GSG1L: variants seen among roughly 807,000 people sequenced by gnomAD.
GSG1L encodes the protein germ cell-specific gene 1-like protein.
In GSG1L, 24 loss-of-function variants were observed where a neutral mutation model predicts 42.1. That is an observed-to-expected ratio of 0.57 (90% confidence interval 0.41 to 0.80). The LOEUF is 0.80. Ranked by LOEUF, GSG1L falls within the 30% of genes least tolerant of loss-of-function variation. GSG1L has a pLI of 0.00. For synonymous variants in GSG1L, 215 were observed against 203.5 expected, an observed-to-expected ratio of 1.06 and a Z score of -0.48; for missense variants, 445 against 472.2, an observed-to-expected ratio of 0.94 and a Z score of 0.53.
chr16:27,973,811 T>C (rs1049508549), intron 1 of GSG1L, among the ~76,000 whole-genome samples: 1 of 152,130 alleles, frequency 6.6e-6, no homozygotes, highest in Non-Finnish European at 1.5e-5. Context: ...GGGCTTGTTG[T>C]CAACCACCAG....
chr16:27,818,924 T>G (rs771314444), intron 5 of GSG1L, among the ~76,000 whole-genome samples: 5 of 152,270 alleles, frequency 3.3e-5, no homozygotes, highest in Non-Finnish European at 7.4e-5. Flanking sequence ...AATTTACAGT[T>G]TTGTCTCCCG....
chr16:28,016,224 G>T lies in GSG1L; in HGVS notation c.349+46852C>A, dbSNP rs143001162. Among the ~76,000 whole-genome samples the T allele has an allele frequency of 1.6e-3, 246 of 152,180 alleles. 1 individual carries two copies. Among genetic ancestry groups the T allele is most frequent in the African/African-American group, 5.8e-3 (239 of 41,526 alleles). ...GGCTGGTCTTGAACTCCTGACCTCA[G>T]GTGATCTGCCCACCTCAGCCTCCTA... On this transcript the variant is annotated intron_variant, in intron 1 of 6. Coordinates refer to ENST00000447459, the MANE Select transcript of GSG1L (RefSeq NM_001109763.2).
intron 1 of GSG1L, among the ~76,000 whole-genome samples, chr16:28,021,005 A>T (rs375072631): frequency 1.2e-4 from 19 of 152,342 alleles, no homozygotes; most frequent in African/African-American, 2.9e-4. Context: ...GAAACAGTGA[A>T]AAATAATCAG....
intron 2 of GSG1L, among the ~76,000 whole-genome samples, chr16:27,924,952 C>G (rs928172016): frequency 6.6e-6 from 1 of 152,190 alleles, no homozygotes; most frequent in Non-Finnish European, 1.5e-5. Context: ...CCGGATCACA[C>G]GCCTACTTCT....
chr16:27,851,227 C>T (rs1215381864), intron 3 of GSG1L, among the ~76,000 whole-genome samples: 2 of 152,118 alleles, frequency 1.3e-5, no homozygotes, highest in East Asian at 1.9e-4. Context: ...GACAGGGTCT[C>T]GCTCTGTTGC....
intron 1 of GSG1L, among the ~76,000 whole-genome samples, chr16:28,010,868 C>T (rs900277844): frequency 2.0e-5 from 3 of 152,178 alleles, no homozygotes; most frequent in African/African-American, 7.2e-5. Flanking sequence ...CCGCAACTGC[C>T]TCTGACAGGA....
intron 2 of GSG1L, among the ~76,000 whole-genome samples, chr16:27,888,499 C>CCG (rs2084074375): frequency 6.2e-4 from 4 of 6,468 alleles, no homozygotes; most frequent in Admixed American, 5.9e-3. Flanking sequence ...TTCTTTCTTT[C>CCG]TTTCTTTCTT....
At chr16:27,846,016 C>T (rs936971871) in intron 3 of GSG1L, among the ~76,000 whole-genome samples, 5 of 152,102 alleles carry the variant, frequency 3.3e-5, no homozygotes. Context: ...GATCCTCCCA[C>T]CTCAGCCTCC....
At chr16:28,056,617 AT>A (rs2086282263) in intron 1 of GSG1L, among the ~76,000 whole-genome samples, 1 of 151,870 alleles carries the variant, frequency 6.6e-6, no homozygotes, top group Admixed American at 6.6e-5. Flanking sequence ...TTAAAGTATA[AT>A]AAAAAATATA....
intron 5 of GSG1L, 103 bp from the exon 6 acceptor site, chr16:27,807,657 G>T: frequency 1.0e-6 from 1 of 957,938 alleles, no homozygotes; most frequent in Non-Finnish European, 1.6e-6. Context: ...CCCCTCTGGA[G>T]AATATTTTGC....
chr16:27,866,676 A>C (rs1596567812), intron 3 of GSG1L, among the ~76,000 whole-genome samples: 1 of 152,004 alleles, frequency 6.6e-6, no homozygotes, highest in Non-Finnish European at 1.5e-5. Flanking sequence ...GGTTCAAGCC[A>C]TTTTCCTGCC....
intron 1 of GSG1L, among the ~76,000 whole-genome samples, chr16:27,979,566 CAA>C (rs554553352): frequency 8.7e-4 from 84 of 96,552 alleles, no homozygotes; most frequent in Middle Eastern, 4.9e-3. Flanking sequence ...GAGAATCCAT[CAA>C]AAAAAAAAAA....
intron 1 of GSG1L, among the ~76,000 whole-genome samples, chr16:28,050,475 G>C (rs1489953985): frequency 6.6e-6 from 1 of 152,128 alleles, no homozygotes. Context: ...TAGGAGGACA[G>C]ATCCTTAAAG....
At chr16:27,946,656 AAAAG>A (rs1211575909) in intron 2 of GSG1L, among the ~76,000 whole-genome samples, 479 of 27,344 alleles carry the variant, frequency 0.018, 30 homozygotes, top group South Asian at 0.12. Flanking sequence ...AGAAAGAAAG[AAAAG>A]AAAGAAAGAA....
intron 1 of GSG1L, among the ~76,000 whole-genome samples, chr16:28,030,866 G>A (rs1468378460): frequency 2.8e-5 from 4 of 141,914 alleles, no homozygotes; most frequent in African/African-American, 1.0e-4. Flanking sequence ...ACTGGGATGG[G>A]ATGGGATGGG....
intron 1 of GSG1L, among the ~76,000 whole-genome samples, chr16:28,034,590 T>A (rs1301767227): frequency 6.6e-6 from 1 of 152,156 alleles, no homozygotes; most frequent in Non-Finnish European, 1.5e-5. Flanking sequence ...CTGCATCCTT[T>A]GTTGGACTTG....
At chr16:27,850,299 A>T (rs573931389) in intron 3 of GSG1L, among the ~76,000 whole-genome samples, 40 of 150,918 alleles carry the variant, frequency 2.7e-4, no homozygotes, top group African/African-American at 9.5e-4. Context: ...AGTGCTGGGA[A>T]TACAGGCGTG....
chr16:27,793,179 C>G (rs1259066213), intron 6 of GSG1L, among the ~76,000 whole-genome samples: 2 of 152,198 alleles, frequency 1.3e-5, no homozygotes, highest in African/African-American at 4.8e-5. Flanking sequence ...ATCCTCAAAG[C>G]AGCTCTCATT....
chr16:27,883,288 G>T (rs1165373709), intron 3 of GSG1L, among the ~76,000 whole-genome samples: 1 of 151,550 alleles, frequency 6.6e-6, no homozygotes, highest in Non-Finnish European at 1.5e-5. Flanking sequence ...GAATAAACAA[G>T]CTCTCCGTCC....
Sources: allele counts gnomAD v4.1 joint callset (sites outside exome capture counted in the v4.1 genomes callset), GRCh38; gene constraint gnomAD v4.1.1; transcripts MANE v1.5; gene names NCBI Gene and HGNC (gene_info 2026-07-23, HGNC 2026-07-21).